The following TMTC1 variants were observed in gnomAD, a reference collection of about 807,000 sequenced individuals.
The protein encoded by TMTC1 is transmembrane O-mannosyltransferase targeting cadherins 1, also known as protein O-mannosyl-transferase TMTC1.
A neutral mutation model predicts 104.8 loss-of-function variants in TMTC1; 73 were observed. That is an observed-to-expected ratio of 0.70 (90% CI 0.58 to 0.85). The LOEUF (loss-of-function observed/expected upper bound fraction) is 0.85. Ranked by LOEUF, TMTC1 falls within the 40% of genes least tolerant of loss-of-function variation. The probability of loss-of-function intolerance (pLI) is 0.00; values close to 1 mark genes in which losing one functional copy is unlikely to be tolerated. For synonymous variants in TMTC1, 434 were observed against 428.7 expected, an observed-to-expected ratio of 1.01 and a Z score of -0.15; for missense variants, 1,035 against 1,096.1, an observed-to-expected ratio of 0.94 and a Z score of 0.79.
chr12:29,680,441 G>C (rs1453590510), intron 5 of TMTC1, among the ~76,000 whole-genome samples: 1 of 152,128 alleles, frequency 6.6e-6, no homozygotes, highest in African/African-American at 2.4e-5. Context: ...GTGGCTCAGA[G>C]GGAGAGTTAG....
intron 3 of TMTC1, among the ~76,000 whole-genome samples, chr12:29,756,702 C>G (rs750807782): frequency 4.7e-4 from 71 of 152,140 alleles, no homozygotes; most frequent in Non-Finnish European, 9.1e-4. Context: ...ATCACTGTTC[C>G]CTTCAACAGG....
At chr12:29,635,820 G>T (rs553611316) in intron 5 of TMTC1, among the ~76,000 whole-genome samples, 3 of 152,328 alleles carry the variant, frequency 2.0e-5, no homozygotes, top group South Asian at 2.1e-4. Flanking sequence ...AAAGGGCCCA[G>T]ATTCTTAAAC....
intron 10 of TMTC1, among the ~76,000 whole-genome samples, chr12:29,548,621 C>T (rs1945004997): frequency 6.6e-6 from 1 of 151,868 alleles, no homozygotes; most frequent in Admixed American, 6.6e-5. Flanking sequence ...ATGGTGAGGC[C>T]TCCCCAACCA....
intron 10 of TMTC1, among the ~76,000 whole-genome samples, chr12:29,552,796 A>G (rs1180156430): frequency 6.6e-6 from 1 of 152,244 alleles, no homozygotes; most frequent in African/African-American, 2.4e-5. Context: ...AATTTTTTAA[A>G]GTTAACTCAA....
intron 5 of TMTC1, among the ~76,000 whole-genome samples, chr12:29,692,246 G>T (rs1230106445): frequency 6.9e-6 from 1 of 144,450 alleles, no homozygotes; most frequent in African/African-American, 2.5e-5. Context: ...TATTCTCATT[G>T]CTTCCCATCA....
chr12:29,604,237 G>C lies in TMTC1; in HGVS notation c.1191C>G (p.Ala397=). The change falls in exon 7 of 18, where the codon GCC becomes GCG. Residue 397 remains alanine, a synonymous_variant. Transcript: ENST00000539277. ...LLFLVFPFIP[A]SNLFFRVGFV... ...AACCCACCCTGAAGAAGAGGTTGCT[G>C]GCTGGAATGAACGGGAACACCAGGA... 1 of 1,613,976 alleles carries C rather than the reference G, an allele frequency of 6.2e-7. No individual in the cohort carries two copies. The highest frequency in any genetic ancestry group is 2.2e-5 in the East Asian group (1 of 44,854).
intron 5 of TMTC1, among the ~76,000 whole-genome samples, chr12:29,676,455 C>T (rs966393319): frequency 7.2e-5 from 11 of 152,148 alleles, no homozygotes; most frequent in Admixed American, 1.3e-4. Context: ...AAAAGTTAAG[C>T]GAATACTTCA....
chr12:29,680,517 G>C (rs1940878842), intron 5 of TMTC1, among the ~76,000 whole-genome samples: 2 of 152,144 alleles, frequency 1.3e-5, no homozygotes, highest in South Asian at 4.1e-4. Flanking sequence ...TTTTCTCTCT[G>C]TTCCACTAGA....
chr12:29,625,358 T>C (rs1937925320), intron 6 of TMTC1, among the ~76,000 whole-genome samples: 1 of 152,202 alleles, frequency 6.6e-6, no homozygotes, highest in South Asian at 2.1e-4. Flanking sequence ...AGAACCTGAC[T>C]GTAAGGCCTG....
chr12:29,564,609 G>C (rs187735117), intron 9 of TMTC1, among the ~76,000 whole-genome samples: 2 of 152,192 alleles, frequency 1.3e-5, no homozygotes, highest in African/African-American at 4.8e-5. Flanking sequence ...GGTGACTTGG[G>C]GAGAGCAGTT....
intron 6 of TMTC1, chr12:29,613,894 A>C (rs1407807933): frequency 2.1e-6 from 2 of 957,284 alleles, no homozygotes; most frequent in African/African-American, 3.5e-5. Context: ...TTTTTCACAA[A>C]GCAAGTCACA....
At chr12:29,563,440 T>C (rs953311782) in intron 9 of TMTC1, among the ~76,000 whole-genome samples, 1 of 152,148 alleles carries the variant, frequency 6.6e-6, no homozygotes, top group Non-Finnish European at 1.5e-5. Context: ...AGGATGTTCA[T>C]ATTCCTAATT....
Position 29,783,923 on chromosome 12 carries a change from T to A in TMTC1, c.-172A>T. On this transcript the variant is annotated 5_prime_UTR_variant, in exon 1 of 18. Transcript: ENST00000539277. The surrounding 1 kb of genome is among the most constrained non-coding windows in gnomAD (Gnocchi z 4.7). ...TCCGCCGCCGCCTGCGCCGCGGAGTTGGCCCAGCTGCAAATAAACAGCAGT... is the reference window on the plus strand; with the variant it reads ...TCCGCCGCCGCCTGCGCCGCGGAGTAGGCCCAGCTGCAAATAAACAGCAGT... 1 of 510,286 alleles carries A rather than the reference T, an allele frequency of 2.0e-6. No individual in the cohort carries two copies. Among genetic ancestry groups the A allele is most frequent in the Non-Finnish European group, 2.6e-6 (1 of 386,160 alleles). 31.6% of individuals were successfully genotyped at this position (510,286 alleles called of 1,614,324 possible). A position where few individuals can be genotyped will look rare whatever the true frequency, so the allele number is the denominator to read the frequency against.
At chr12:29,679,143 T>C (rs1386935033) in intron 5 of TMTC1, among the ~76,000 whole-genome samples, 2 of 152,262 alleles carry the variant, frequency 1.3e-5, no homozygotes, top group Admixed American at 6.5e-5. Flanking sequence ...AATAAAGACA[T>C]GCAGGAACAC....
intron 5 of TMTC1, among the ~76,000 whole-genome samples, chr12:29,698,613 T>C (rs1420235449): frequency 6.6e-6 from 1 of 152,186 alleles, no homozygotes; most frequent in Non-Finnish European, 1.5e-5. Flanking sequence ...TCTTTGTTCT[T>C]CACCTGCCCC....
intron 5 of TMTC1, among the ~76,000 whole-genome samples, chr12:29,681,658 G>T (rs1334073589): frequency 6.9e-6 from 1 of 145,462 alleles, no homozygotes; most frequent in African/African-American, 2.5e-5. Flanking sequence ...GTGTTACAAG[G>T]CCCCTCCCCC....
chr12:29,740,326 G>A (rs570876619), intron 5 of TMTC1, among the ~76,000 whole-genome samples: 2 of 152,332 alleles, frequency 1.3e-5, no homozygotes, highest in African/African-American at 2.4e-5. Context: ...TCAGTGGGCT[G>A]GGGAAGGCAG....
intron 5 of TMTC1, among the ~76,000 whole-genome samples, chr12:29,728,400 C>T (rs1942457852): frequency 6.6e-6 from 1 of 152,156 alleles, no homozygotes; most frequent in South Asian, 2.1e-4. Context: ...ACGCCAATGG[C>T]AGCTAAAGCA....
At chr12:29,665,947 C>G (rs539443119) in intron 5 of TMTC1, among the ~76,000 whole-genome samples, 6 of 152,228 alleles carry the variant, frequency 3.9e-5, no homozygotes, top group South Asian at 4.1e-4. Flanking sequence ...TGATGCCCCC[C>G]CAACCCACCA....
Sources: allele counts gnomAD v4.1 joint callset (sites outside exome capture counted in the v4.1 genomes callset), GRCh38; gene constraint gnomAD v4.1.1; non-coding constraint Gnocchi (gnomAD v3.1); transcripts MANE v1.5; gene names NCBI Gene and HGNC (gene_info 2026-07-23, HGNC 2026-07-21).